The following TTC23L variants were observed in gnomAD, a reference collection of about 807,000 sequenced individuals.
TTC23L encodes tetratricopeptide repeat protein 23-like.
In TTC23L, 42 loss-of-function variants were observed where a neutral mutation model predicts 48.1. The observed-to-expected ratio is 0.87, with a 90% confidence interval of 0.68 to 1.13. The LOEUF (loss-of-function observed/expected upper bound fraction) is 1.13. Ranked by LOEUF, TTC23L falls within the 50% of genes most tolerant of loss-of-function variation. The probability of loss-of-function intolerance (pLI) is 0.00; values close to 1 mark genes in which losing one functional copy is unlikely to be tolerated. For synonymous variants in TTC23L, 159 were observed against 157.2 expected (o/e 1.01, Z -0.09); for missense variants, 391 against 421.0 (o/e 0.93, Z 0.62).
chr5:34,867,248 A>G (rs565637513), intron 7 of TTC23L, 179 bp downstream of exon 7: 567 of 664,756 alleles, frequency 8.5e-4, no homozygotes, highest in Admixed American at 1.7e-3. Flanking sequence ...TGACCAGGCC[A>G]GAGAACACTG....
chr5:34,854,511 G>A (rs1415085220), intron 4 of TTC23L, among the ~76,000 whole-genome samples: 1 of 152,210 alleles, frequency 6.6e-6, no homozygotes, highest in East Asian at 1.9e-4. Flanking sequence ...CTTCAAGAGA[G>A]ATGAAGTGCT....
chr5:34,911,697 C>G, the TTC23L span: 2 of 1,614,146 alleles, frequency 1.2e-6, no homozygotes, highest in Non-Finnish European at 1.7e-6. Context: ...AGTCCAGGGT[C>G]TCCTCAGGTT....
At chr5:34,874,622 C>T (rs778025584) in intron 8 of TTC23L, among the ~76,000 whole-genome samples, 3 of 151,784 alleles carry the variant, frequency 2.0e-5, no homozygotes, top group Non-Finnish European at 2.9e-5. Flanking sequence ...ACTCAGGAGG[C>T]AGAGGTGGGG....
intron 9 of TTC23L, chr5:34,883,357 C>G (rs528069481): frequency 6.6e-6 from 1 of 152,432 alleles, no homozygotes; most frequent in South Asian, 2.1e-4. Context: ...ACTCTAAGAG[C>G]TGGGATGGCC....
chr5:34,861,012 G>A (rs1406310021), intron 4 of TTC23L: 1 of 152,650 alleles, frequency 6.6e-6, no homozygotes. Flanking sequence ...TCTGTCGCCA[G>A]GCTGGAGTGC....
chr5:34,856,711 G>T (rs1011435579), intron 4 of TTC23L, among the ~76,000 whole-genome samples: 2 of 152,232 alleles, frequency 1.3e-5, no homozygotes, highest in Admixed American at 6.5e-5. Context: ...AGTTAGCAAA[G>T]AATCAATTAC....
chr5:34,850,433 G>A, intron 4 of TTC23L, 125 bp downstream of exon 4: 1 of 1,159,900 alleles, frequency 8.6e-7, no homozygotes, highest in African/African-American at 1.6e-5. Flanking sequence ...CACATTATCA[G>A]GAAGGAAAGT....
chr5:34,921,094 GC>G, the TTC23L span: 5 of 152,154 alleles, frequency 3.3e-5, no homozygotes, highest in African/African-American at 1.2e-4. Flanking sequence ...ACCTACCTCG[GC>G]CTCCCAAAGT....
At chr5:34,849,880 T>C (rs1040276424) in intron 3 of TTC23L, among the ~76,000 whole-genome samples, 2 of 152,152 alleles carry the variant, frequency 1.3e-5, no homozygotes, top group Non-Finnish European at 2.9e-5. Flanking sequence ...CTCTGGCTAT[T>C]ATGTAGAAAG....
chr5:34,903,306 A>G (rs142353514), downstream of TTC23L, among the ~76,000 whole-genome samples: 53 of 152,304 alleles, frequency 3.5e-4, no homozygotes, highest in African/African-American at 1.0e-3. Context: ...TTGGTCCCCA[A>G]AGTTTTTCCC....
chr5:34,884,870 A>G (rs1383798153), intron 9 of TTC23L, among the ~76,000 whole-genome samples: 2 of 152,236 alleles, frequency 1.3e-5, no homozygotes, highest in African/African-American at 2.4e-5. Context: ...GAAAGCAGCA[A>G]TTGACATCCC....
intron 4 of TTC23L, among the ~76,000 whole-genome samples, chr5:34,857,803 T>G (rs1169682936): frequency 3.3e-5 from 5 of 152,212 alleles, no homozygotes; most frequent in Non-Finnish European, 7.3e-5. Flanking sequence ...AAGTAACTTT[T>G]TCAAGTCATA....
chr5:34,880,633 CT>C (rs898858424), intron 9 of TTC23L: 1 of 425,158 alleles, frequency 2.4e-6, no homozygotes, highest in Non-Finnish European at 4.5e-6. Context: ...TAACGGTTCC[CT>C]CTCTGACAAA....
chr5:34,890,679 C>T (rs1450012893), intron 9 of TTC23L, among the ~76,000 whole-genome samples: 1 of 152,100 alleles, frequency 6.6e-6, no homozygotes, highest in African/African-American at 2.4e-5. Context: ...AGTTAACTCA[C>T]CCAGGAAGAG....
chr5:34,890,035 C>G (rs1438179987), intron 9 of TTC23L, among the ~76,000 whole-genome samples: 1 of 151,922 alleles, frequency 6.6e-6, no homozygotes, highest in African/African-American at 2.4e-5. Context: ...GACGGGGTTT[C>G]CCCATGTTGG....
intron 9 of TTC23L, among the ~76,000 whole-genome samples, chr5:34,890,411 C>T (rs555950501): frequency 6.4e-4 from 85 of 132,440 alleles, no homozygotes; most frequent in Non-Finnish European, 9.6e-4. Context: ...CACTGCACTC[C>T]AGCCTAGGTA....
intron 9 of TTC23L, among the ~76,000 whole-genome samples, chr5:34,882,195 G>C (rs1259985420): frequency 6.6e-6 from 1 of 152,148 alleles, no homozygotes; most frequent in Non-Finnish European, 1.5e-5. Flanking sequence ...CCTTGGTTGT[G>C]ACAAACCACC....
At chr5:34,918,749 G>A in the TTC23L span, 1 of 258,844 alleles carries the variant, frequency 3.9e-6, no homozygotes, top group Non-Finnish European at 7.2e-6. Context: ...TAATGCTTCT[G>A]AAGGTCCTGA....
chr5:34,843,040 G>T (rs564655446), intron 2 of TTC23L, among the ~76,000 whole-genome samples: 1 of 152,132 alleles, frequency 6.6e-6, no homozygotes, highest in Non-Finnish European at 1.5e-5. Context: ...ACTCCTGACC[G>T]CAAGTGATCC....
Sources: allele counts gnomAD v4.1 joint callset (sites outside exome capture counted in the v4.1 genomes callset), GRCh38; gene constraint gnomAD v4.1.1; transcripts MANE v1.5; gene names NCBI Gene and HGNC (gene_info 2026-07-23, HGNC 2026-07-21).